The following KLF12 variants were observed in gnomAD, a reference collection of about 807,000 sequenced individuals.
KLF12 encodes the protein Krueppel-like factor 12.
Under a neutral mutation model 37.8 loss-of-function variants are expected in KLF12, and 9 were observed. That is an observed-to-expected ratio of 0.24 (90% confidence interval 0.14 to 0.42). The LOEUF (loss-of-function observed/expected upper bound fraction) is 0.42, where lower values mean the gene tolerates loss of function less well. Among genes scored for constraint, KLF12 ranks in the 10% least tolerant of loss-of-function variants. KLF12 has a pLI of 1.00. For missense variants in KLF12, 411 were observed against 516.0 expected (o/e 0.80, Z 1.97); for synonymous variants, 208 against 202.1 (o/e 1.03, Z -0.25).
At chr13:74,293,726 G>C in the KLF12 span, among the ~76,000 whole-genome samples, 1 of 152,130 alleles carries the variant, frequency 6.6e-6, no homozygotes, top group Non-Finnish European at 1.5e-5. Flanking sequence ...TTATAGCTTG[G>C]ATTTTGGCAG....
At chr13:73,736,906 T>G (rs1226099599) in intron 6 of KLF12, among the ~76,000 whole-genome samples, 1 of 152,170 alleles carries the variant, frequency 6.6e-6, no homozygotes, top group Non-Finnish European at 1.5e-5. Context: ...TATATTATGG[T>G]TTCTAGTTTT....
chr13:73,824,147 A>C (rs1883698762), intron 4 of KLF12, among the ~76,000 whole-genome samples: 1 of 152,102 alleles, frequency 6.6e-6, no homozygotes, highest in African/African-American at 2.4e-5. Flanking sequence ...AAACCCTATC[A>C]AAGTTTTCTT....
the KLF12 span, among the ~76,000 whole-genome samples, chr13:74,275,566 T>C: frequency 6.6e-6 from 1 of 152,234 alleles, no homozygotes; most frequent in Non-Finnish European, 1.5e-5. Context: ...CCAGAATTTT[T>C]CTTGCATAAA....
intron 2 of KLF12, among the ~76,000 whole-genome samples, chr13:73,993,238 A>G (rs1892020212): frequency 6.6e-6 from 1 of 152,212 alleles, no homozygotes; most frequent in Admixed American, 6.5e-5. Context: ...TCTCAATGGG[A>G]CAAACACATT....
chr13:73,792,691 C>A (rs1026148429), intron 5 of KLF12, among the ~76,000 whole-genome samples: 1 of 152,108 alleles, frequency 6.6e-6, no homozygotes, highest in East Asian at 1.9e-4. Flanking sequence ...CTGAGCTGTA[C>A]ACTTAAGATC....
At chr13:73,751,815 C>G (rs918824233) in intron 6 of KLF12, among the ~76,000 whole-genome samples, 1 of 152,022 alleles carries the variant, frequency 6.6e-6, no homozygotes, top group Non-Finnish European at 1.5e-5. Context: ...ACAGAGCAGT[C>G]CGGGGCTGGA....
intron 6 of KLF12, among the ~76,000 whole-genome samples, chr13:73,733,589 T>A (rs1877230191): frequency 6.6e-6 from 1 of 152,178 alleles, no homozygotes; most frequent in Non-Finnish European, 1.5e-5. Flanking sequence ...CAGATGGGCA[T>A]CTAGGTTGTC....
At chr13:74,264,536 C>T in the KLF12 span, among the ~76,000 whole-genome samples, 137 of 152,260 alleles carry the variant, frequency 9.0e-4, 1 homozygote, top group African/African-American at 3.1e-3. Flanking sequence ...CTTGAAATAG[C>T]CACAGAATCC....
intron 1 of KLF12, among the ~76,000 whole-genome samples, chr13:74,043,868 C>T (rs2138555649): frequency 6.6e-6 from 1 of 152,304 alleles, no homozygotes; most frequent in East Asian, 1.9e-4. Flanking sequence ...ATTAAACACT[C>T]CTACAGCATT....
At chr13:74,002,238 A>G (rs1892299318) in intron 1 of KLF12, among the ~76,000 whole-genome samples, 1 of 152,202 alleles carries the variant, frequency 6.6e-6, no homozygotes, top group African/African-American at 2.4e-5. Flanking sequence ...ATCAACTAGT[A>G]TTTCTCAACA....
intron 1 of KLF12, among the ~76,000 whole-genome samples, chr13:74,094,603 C>CT (rs112013862): frequency 0.012 from 1,783 of 142,850 alleles, 19 homozygotes; most frequent in African/African-American, 0.02. Context: ...TCTATCTTTT[C>CT]TTTTTTTTTT....
intron 1 of KLF12, among the ~76,000 whole-genome samples, chr13:74,066,383 T>C (rs2074682468): frequency 6.6e-6 from 1 of 152,176 alleles, no homozygotes; most frequent in East Asian, 1.9e-4. Context: ...CTCTGTAGGC[T>C]GGGCCTGGTG....
At chr13:74,023,422 A>G (rs1462666103) in intron 1 of KLF12, among the ~76,000 whole-genome samples, 2 of 152,218 alleles carry the variant, frequency 1.3e-5, no homozygotes, top group Non-Finnish European at 2.9e-5. Context: ...GGCTTTTAAG[A>G]ACAGAAATCT....
chr13:73,848,503 G>A (rs778967819), intron 3 of KLF12, among the ~76,000 whole-genome samples: 39 of 149,732 alleles, frequency 2.6e-4, no homozygotes, highest in Non-Finnish European at 5.2e-4. Flanking sequence ...ACAACATCTT[G>A]TTGCTATGAA....
At chr13:74,093,440 A>G (rs1046963504) in intron 1 of KLF12, among the ~76,000 whole-genome samples, 1 of 152,206 alleles carries the variant, frequency 6.6e-6, no homozygotes, top group Non-Finnish European at 1.5e-5. Flanking sequence ...TTGTGAGCAC[A>G]TCCACTCAAA....
At chr13:73,940,570 C>T (rs1194202361) in intron 3 of KLF12, among the ~76,000 whole-genome samples, 2 of 152,012 alleles carry the variant, frequency 1.3e-5, no homozygotes, top group South Asian at 4.2e-4. Context: ...TTCACAATAA[C>T]CCTATGACAT....
At chr13:74,228,815 T>TA in the KLF12 span, among the ~76,000 whole-genome samples, 60 of 135,030 alleles carry the variant, frequency 4.4e-4, no homozygotes, top group East Asian at 1.8e-3. Flanking sequence ...TATTTTTCTT[T>TA]AAAAAAAAAG....
chr13:73,737,638 A>G (rs1359182867), intron 6 of KLF12, among the ~76,000 whole-genome samples: 4 of 152,158 alleles, frequency 2.6e-5, no homozygotes, highest in African/African-American at 7.2e-5. Flanking sequence ...ACTTTCCTTG[A>G]TTACTGGGCA....
the KLF12 span, among the ~76,000 whole-genome samples, chr13:74,293,785 G>A: frequency 1.3e-5 from 2 of 152,108 alleles, no homozygotes; most frequent in African/African-American, 2.4e-5. Context: ...TTTGTATATT[G>A]GCCATGTCAG....
Sources: gnomAD v4.1 joint callset for allele counts (sites outside exome capture counted in the v4.1 genomes callset) on GRCh38, gnomAD v4.1.1 for gene constraint, MANE v1.5 for transcripts, NCBI Gene and HGNC (gene_info 2026-07-23, HGNC 2026-07-21) for gene names.